Variants in MAP3K9 observed in about 807,000 individuals in gnomAD.
MAP3K9 encodes mitogen-activated protein kinase kinase kinase 9, also known as mixed lineage kinase 1 (tyr and ser/thr specificity).
A neutral mutation model predicts 95.8 loss-of-function variants in MAP3K9; 46 were observed. The observed-to-expected ratio is 0.48, with a 90% confidence interval of 0.38 to 0.61. MAP3K9 has a LOEUF of 0.61. Among genes scored for constraint, MAP3K9 ranks in the 20% least tolerant of loss-of-function variants. The pLI is 0.00. For missense variants in MAP3K9, 1,296 were observed against 1,474.3 expected (o/e 0.88, Z 1.98); for synonymous variants, 533 against 593.8 (o/e 0.90, Z 1.49).
At chr14:70,791,953 C>T (rs760667901) in intron 2 of MAP3K9, among the ~76,000 whole-genome samples, 5 of 152,100 alleles carry the variant, frequency 3.3e-5, no homozygotes, top group Non-Finnish European at 7.3e-5. Flanking sequence ...AGGCACAGGA[C>T]AAAAGGGAAA....
chr14:70,760,854 G>A (rs759813852), intron 3 of MAP3K9, 148 bp downstream of exon 3: 20 of 773,096 alleles, frequency 2.6e-5, no homozygotes, highest in Non-Finnish European at 3.9e-5. Flanking sequence ...GGCAATATGG[G>A]AATTGGCATA....
At chr14:70,787,457 G>A (rs982590127) in intron 2 of MAP3K9, among the ~76,000 whole-genome samples, 2 of 150,534 alleles carry the variant, frequency 1.3e-5, no homozygotes, top group East Asian at 1.9e-4. Flanking sequence ...GCAGCAAGCC[G>A]AGATGGCACC....
Position 70,781,196 on chromosome 14 carries a change from G to T in MAP3K9, c.820+19471C>A, listed in dbSNP as rs117969268. Among the ~76,000 whole-genome samples, 35 of 152,350 alleles carry T rather than the reference G, an allele frequency of 2.3e-4. No individual in the cohort carries two copies. In the East Asian group the frequency reaches 6.7e-3, roughly 29 times the overall value. On this transcript the variant is annotated intron_variant, in intron 2 of 11. Transcript: ENST00000554752. ...AAGCTAGATCAGAAAAGATGCTACA[G>T]CTTCCCCATGTTCACTGGAACACTT...
chr14:70,735,070 A>G lies in MAP3K9; in HGVS notation c.1914-572T>C, dbSNP rs2053965256. 1.3e-5 allele frequency among the ~76,000 whole-genome samples: 2 copies of G among 152,226 alleles called. 1 individual carries two copies. The highest frequency in any genetic ancestry group is 4.1e-4 in the South Asian group (2 of 4,832). The stretch of plus-strand genomic sequence containing the variant: ...CCACAAAGCTGCACCAACCCAGTGC[A>G]CTGTGGGACAGACCTACGTGGGTAG... On this transcript the variant is annotated intron_variant, in intron 9 of 11. Transcript: ENST00000554752.
At chr14:70,781,443 A>T (rs1325398669) in intron 2 of MAP3K9, among the ~76,000 whole-genome samples, 2 of 152,194 alleles carry the variant, frequency 1.3e-5, no homozygotes, top group Non-Finnish European at 2.9e-5. Context: ...GACATTGACA[A>T]GCCATCCCTA....
At chr14:70,735,748 G>T (rs2053976702) in intron 9 of MAP3K9, among the ~76,000 whole-genome samples, 1 of 152,166 alleles carries the variant, frequency 6.6e-6, no homozygotes. Context: ...AATTGGAGTG[G>T]TCAGTGGAGT....
Position 70,730,631 on chromosome 14 carries a change from T to C in MAP3K9, c.3064A>G (p.Asn1022Asp). ...PSHARSTSPA[N>D]SSSTETPSNL... ...CTGGGCGTCTCTGTGCTGGAGCTGTTGGCTGGGGAGGTGCTGCGGGCATGG... is the reference window on the plus strand; with the variant it reads ...CTGGGCGTCTCTGTGCTGGAGCTGTCGGCTGGGGAGGTGCTGCGGGCATGG... Residue 1022 changes from asparagine (N) to aspartate (D), a missense_variant, in exon 12 of 12, where the codon AAC (asparagine) becomes GAC (aspartate). By Grantham distance (23) the Asn-to-Asp change is conservative. This residue lies in a region of MAP3K9 where 433 missense variants were observed against 441.4 expected (regional missense o/e 0.98). Coordinates refer to ENST00000554752, the MANE Select transcript of MAP3K9 (RefSeq NM_001284230.2). 6.2e-7 allele frequency: 1 copy of C among 1,613,878 alleles called. No individual in the cohort carries two copies. The highest frequency in any genetic ancestry group is 1.7e-5 in the Admixed American group (1 of 60,022).
At chr14:70,792,939 AAG>A (rs2054822042) in intron 2 of MAP3K9, among the ~76,000 whole-genome samples, 1 of 152,222 alleles carries the variant, frequency 6.6e-6, no homozygotes, top group South Asian at 2.1e-4. Flanking sequence ...TGTGAACTCC[AAG>A]AGAAGGTTGG....
intron 10 of MAP3K9, chr14:70,733,847 CCT>C (rs780781519): frequency 1.4e-6 from 1 of 717,380 alleles, no homozygotes; most frequent in South Asian, 1.5e-5. Flanking sequence ...TGCTGAGCTT[CCT>C]CTCTCTGTTT....
At chr14:70,780,718 T>C (rs553617009) in intron 2 of MAP3K9, among the ~76,000 whole-genome samples, 19 of 152,328 alleles carry the variant, frequency 1.2e-4, no homozygotes, top group African/African-American at 4.6e-4. Context: ...CTTTCCTTAC[T>C]AAAGAACATC....
intron 1 of MAP3K9, among the ~76,000 whole-genome samples, chr14:70,805,984 T>G (rs2054985457): frequency 6.6e-6 from 1 of 152,210 alleles, no homozygotes; most frequent in Admixed American, 6.5e-5. Context: ...AATTTTCACT[T>G]TAAGAAGCAA....
At chr14:70,739,980 C>A (rs754764921) in intron 7 of MAP3K9, 62 bp downstream of exon 7, 1 of 1,614,172 alleles carries the variant, frequency 6.2e-7, no homozygotes, top group Non-Finnish European at 8.5e-7. Flanking sequence ...GGTGGCTGGA[C>A]AGAGCAGGGG....
At chr14:70,760,866 A>G in intron 3 of MAP3K9, 136 bp downstream of exon 3, 1 of 834,250 alleles carries the variant, frequency 1.2e-6, no homozygotes, top group East Asian at 2.5e-5. Flanking sequence ...ATTGGCATAG[A>G]TGACTCTTGG....
Position 70,728,296 on chromosome 14 carries a change from G to A in MAP3K9, c.*2084C>T, listed in dbSNP as rs2053847536. 1 of 151,748 alleles carries A rather than the reference G, an allele frequency of 6.6e-6. No homozygotes were observed. The highest frequency in any genetic ancestry group is 6.6e-5 in the Admixed American group (1 of 15,228). 9.4% of individuals were successfully genotyped at this position (151,748 alleles called of 1,614,324 possible). On this transcript the variant is annotated 3_prime_UTR_variant, in exon 12 of 12. Coordinates refer to ENST00000554752, the MANE Select transcript of MAP3K9 (RefSeq NM_001284230.2). ...GCCACCATGCCTGGCTAATTTTTTT[G>A]TATTTTTAGTAGAGACAGGATATCT...
intron 2 of MAP3K9, among the ~76,000 whole-genome samples, chr14:70,789,204 A>G (rs994306278): frequency 5.9e-5 from 9 of 152,102 alleles, no homozygotes; most frequent in African/African-American, 1.9e-4. Context: ...TTTCCACAAG[A>G]GGCTTTTGCA....
intron 1 of MAP3K9, among the ~76,000 whole-genome samples, chr14:70,807,830 A>C (rs189493575): frequency 1.3e-5 from 2 of 152,346 alleles, no homozygotes; most frequent in Admixed American, 1.3e-4. Context: ...CCCTTGAAAA[A>C]AAAAGAAGAT....
rs966604801 is a variant in MAP3K9 at position 70,726,690 on chromosome 14, T to G, written c.*3690A>C. 1 of 152,250 alleles carries G rather than the reference T, an allele frequency of 6.6e-6. No individual in the cohort carries two copies. Among genetic ancestry groups the G allele is most frequent in the Non-Finnish European group, 1.5e-5 (1 of 68,072 alleles). 9.4% of individuals were successfully genotyped at this position (152,250 alleles called of 1,614,324 possible). A position where few individuals can be genotyped will look rare whatever the true frequency, so the allele number is the denominator to read the frequency against. On this transcript the variant is annotated 3_prime_UTR_variant, in exon 12 of 12. Coordinates refer to ENST00000554752, the MANE Select transcript of MAP3K9 (RefSeq NM_001284230.2). ...CCCCCATTAGTCATGCTCAACCACCTCCAAATCACTCCTCTTCCAGAAGCC... is the reference window on the plus strand; with the variant it reads ...CCCCCATTAGTCATGCTCAACCACCGCCAAATCACTCCTCTTCCAGAAGCC...
At chr14:70,798,011 T>C (rs1044204068) in intron 2 of MAP3K9, among the ~76,000 whole-genome samples, 6 of 152,188 alleles carry the variant, frequency 3.9e-5, no homozygotes, top group Non-Finnish European at 5.9e-5. Context: ...TTAAGTATTA[T>C]ACAACTTCTG....
At chr14:70,791,631 C>T (rs1003639343) in intron 2 of MAP3K9, among the ~76,000 whole-genome samples, 2 of 152,262 alleles carry the variant, frequency 1.3e-5, no homozygotes, top group African/African-American at 4.8e-5. Context: ...AACCTCCTTG[C>T]CCCACCTTCC....
Sources: allele counts gnomAD v4.1 joint callset (sites outside exome capture counted in the v4.1 genomes callset), GRCh38; gene constraint gnomAD v4.1.1; regional missense constraint gnomAD v4.1.1; transcripts MANE v1.5; gene names NCBI Gene and HGNC (gene_info 2026-07-23, HGNC 2026-07-21).